ENG: variants seen among roughly 807,000 people sequenced by gnomAD.
ENG encodes endoglin.
In ENG, 17 loss-of-function variants were observed where a neutral mutation model predicts 71.0. The ratio of observed to expected loss-of-function variants is 0.24; its 90% confidence interval spans 0.16 to 0.36. The LOEUF is 0.36. Ranked by LOEUF, ENG falls within the 10% of genes least tolerant of loss-of-function variation. The pLI is 1.00. For synonymous variants in ENG, 360 were observed against 366.9 expected, an observed-to-expected ratio of 0.98 and a Z score of 0.21; for missense variants, 749 against 868.3, an observed-to-expected ratio of 0.86 and a Z score of 1.73.
intron 1 of ENG, among the ~76,000 whole-genome samples, chr9:127,851,031 T>C (rs1831270397): frequency 1.3e-5 from 2 of 152,154 alleles, no homozygotes; most frequent in African/African-American, 4.8e-5. Context: ...TGGACCCATC[T>C]GGATTAAAAG....
intron 1 of ENG, among the ~76,000 whole-genome samples, chr9:127,848,378 C>T (rs1831221654): frequency 6.6e-6 from 1 of 152,084 alleles, no homozygotes; most frequent in African/African-American, 2.4e-5. Flanking sequence ...CAACCTCCAC[C>T]TCCTGGCCTC....
chr9:127,852,565 G>T (rs1360004476), intron 1 of ENG, among the ~76,000 whole-genome samples: 2 of 152,090 alleles, frequency 1.3e-5, no homozygotes. Context: ...TTTCCAACTG[G>T]CTGTTACATA....
At chr9:127,822,122 G>A (rs1302013358) in intron 8 of ENG, among the ~76,000 whole-genome samples, 1 of 152,040 alleles carries the variant, frequency 6.6e-6, no homozygotes, top group Non-Finnish European at 1.5e-5. Flanking sequence ...CAAGGGAAGT[G>A]GTGGCCAAAG....
intron 8 of ENG, chr9:127,821,089 T>C (rs1330649873): frequency 2.0e-5 from 3 of 152,126 alleles, no homozygotes; most frequent in Non-Finnish European, 4.4e-5. Context: ...TGCCTAGTGT[T>C]TGTGGTGATG....
intron 1 of ENG, 53 bp downstream of exon 1, chr9:127,854,236 T>G: frequency 6.5e-7 from 1 of 1,533,908 alleles, no homozygotes; most frequent in African/African-American, 1.4e-5. Context: ...ACTTGGGGCC[T>G]GGTCCGTGCA....
chr9:127,831,928 T>A (rs1029439305), intron 2 of ENG, among the ~76,000 whole-genome samples: 1 of 151,806 alleles, frequency 6.6e-6, no homozygotes, highest in African/African-American at 2.4e-5. Flanking sequence ...GTTTGTTTTT[T>A]GAGACAGGGT....
intron 7 of ENG, 126 bp from the exon 8 acceptor site, chr9:127,824,572 G>T (rs1222413513): frequency 8.1e-6 from 10 of 1,231,596 alleles, no homozygotes; most frequent in Non-Finnish European, 9.8e-6. Flanking sequence ...GGGCTGGAGT[G>T]CAGTGGCACG....
intron 2 of ENG, among the ~76,000 whole-genome samples, chr9:127,834,492 C>A (rs1354052339): frequency 6.6e-6 from 1 of 152,212 alleles, no homozygotes; most frequent in African/African-American, 2.4e-5. Flanking sequence ...GCAACCTCCA[C>A]CTCCTGGGTT....
rs1588591879 is a variant in ENG at position 127,836,695 on chromosome 9, G to A, written c.219+6399C>T. On this transcript the variant is annotated intron_variant, in intron 2 of 14. Coordinates refer to ENST00000373203, the MANE Select transcript of ENG (RefSeq NM_001114753.3). The surrounding 1 kb of genome is among the most constrained non-coding windows in gnomAD (Gnocchi z 4.0). ...CTCTGGGCCTCAGTTTCCTGATTTG[G>A]AAAATGGTATTCCCACTTCATTGAC... Among the ~76,000 whole-genome samples, 1 of 152,346 alleles carries A rather than the reference G, an allele frequency of 6.6e-6. No homozygotes were observed. Among genetic ancestry groups the A allele is most frequent in the South Asian group, 2.1e-4 (1 of 4,832 alleles).
intron 13 of ENG, 195 bp downstream of exon 13, chr9:127,816,954 G>A: frequency 4.5e-6 from 3 of 666,604 alleles, no homozygotes; most frequent in Middle Eastern, 4.1e-4. Flanking sequence ...CTCTCCATCT[G>A]CAAAGTGCAG....
Position 127,834,218 on chromosome 9 carries a change from G to A in ENG, c.220-4391C>T, listed in dbSNP as rs538103051. On this transcript the variant is annotated intron_variant, in intron 2 of 14. Coordinates refer to ENST00000373203, the MANE Select transcript of ENG (RefSeq NM_001114753.3). ...CTCCCAAGTAGCTGGGACTACAGGCGTGCGCCACCATGCCCAGCTAATTTT... is the reference window on the plus strand; with the variant it reads ...CTCCCAAGTAGCTGGGACTACAGGCATGCGCCACCATGCCCAGCTAATTTT... 5.9e-5 allele frequency among the ~76,000 whole-genome samples: 9 copies of A among 151,726 alleles called. No individual in the cohort carries two copies. The East Asian group carries it at 7.8e-4, about 13-fold the overall frequency.
chr9:127,831,773 C>T (rs1356207679), intron 2 of ENG, among the ~76,000 whole-genome samples: 27 of 151,246 alleles, frequency 1.8e-4, no homozygotes, highest in Middle Eastern at 3.4e-3. Context: ...CTCACTACAA[C>T]CTCTGCCTCC....
chr9:127,824,267 A>G (rs982934594), intron 8 of ENG, 37 bp downstream of exon 8: 6 of 1,613,792 alleles, frequency 3.7e-6, no homozygotes, highest in South Asian at 2.2e-5. Flanking sequence ...CCAGATGTCC[A>G]TGTCATCCTG....
chr9:127,846,167 C>A lies in ENG; in HGVS notation c.68-2922G>T, dbSNP rs896660461. On this transcript the variant is annotated intron_variant, in intron 1 of 14. Transcript: ENST00000373203. This position sits in a 1 kb window ranked among gnomAD's most constrained non-coding sequence, Gnocchi z 5.5. ...GAGAGGTCACTGGGATCTCCCTCAC[C>A]CCAACAAAATCAAGGGCTGGTGCCA... Among the ~76,000 whole-genome samples, 3 of 152,156 alleles carry A rather than the reference C, an allele frequency of 2.0e-5. No homozygotes were observed. The highest frequency in any genetic ancestry group is 2.9e-5 in the Non-Finnish European group (2 of 68,018).
Position 127,826,640 on chromosome 9 carries a change from C to G in ENG, c.393G>C (p.Pro131=), listed in dbSNP as rs760121099. 15 of 1,613,958 alleles carry G rather than the reference C, an allele frequency of 9.3e-6. No homozygotes were observed. In the South Asian group the frequency reaches 1.6e-4, roughly 18 times the overall value. The change falls in exon 4 of 15, where the codon CCG becomes CCC. Residue 131 remains proline (P), a synonymous_variant. Coordinates refer to ENST00000373203, the MANE Select transcript of ENG (RefSeq NM_001114753.3). ...NSSLVTFQEP[P]GVNTTELPSF... Reference sequence around the variant, plus strand: ...ATGGCAGCTCTGTGGTGTTGACCCCCGGGGGCTCTTGGAAGGTGACCAGGC... The same window carrying G: ...ATGGCAGCTCTGTGGTGTTGACCCCGGGGGGCTCTTGGAAGGTGACCAGGC...
intron 2 of ENG, 63 bp from the exon 3 acceptor site, chr9:127,829,890 G>T: frequency 6.2e-7 from 1 of 1,607,414 alleles, no homozygotes; most frequent in African/African-American, 1.3e-5. Flanking sequence ...GTGCCACCCA[G>T]ACAGGCAGTG....
chr9:127,826,124 A>G lies in ENG; in HGVS notation c.524-264T>C, dbSNP rs146105474. Among the ~76,000 whole-genome samples, 122 of 152,358 alleles carry G rather than the reference A, an allele frequency of 8.0e-4. 1 individual carries two copies. The highest frequency in any genetic ancestry group is 2.8e-3 in the African/African-American group (116 of 41,574). ...GCTGCAGCCCCGAAACCACCCAGCA[A>G]GACCCGAAATTATAGATTTATCTGT... On this transcript the variant is annotated intron_variant, in intron 4 of 14. Coordinates refer to ENST00000373203, the MANE Select transcript of ENG (RefSeq NM_001114753.3).
intron 8 of ENG, among the ~76,000 whole-genome samples, chr9:127,823,840 T>C (rs919364884): frequency 5.3e-5 from 8 of 151,602 alleles, no homozygotes; most frequent in Non-Finnish European, 1.2e-4. Context: ...TCCCATCACC[T>C]CTGGCTAATT....
chr9:127,834,459 A>G (rs1163787978), intron 2 of ENG, among the ~76,000 whole-genome samples: 8 of 136,562 alleles, frequency 5.9e-5, no homozygotes, highest in Admixed American at 1.4e-4. Context: ...GCCCAGGCTA[A>G]AGTACAGCGA....
Sources: allele counts gnomAD v4.1 joint callset (sites outside exome capture counted in the v4.1 genomes callset), GRCh38; gene constraint gnomAD v4.1.1; non-coding constraint Gnocchi (gnomAD v3.1); transcripts MANE v1.5; gene names NCBI Gene and HGNC (gene_info 2026-07-23, HGNC 2026-07-21).